The following TMCC3 variants were observed in gnomAD, a reference collection of about 807,000 sequenced individuals.
TMCC3 encodes the protein transmembrane and coiled-coil domain protein 3.
TMCC3 carries 28 observed loss-of-function variants against 40.2 expected under a neutral mutation model. That is an observed-to-expected ratio of 0.70 (90% CI 0.52 to 0.95). The LOEUF is 0.95. TMCC3 is among the 40% of genes least tolerant of loss of function. The pLI is 0.00. For missense variants in TMCC3, 554 were observed against 615.2 expected (o/e 0.90, Z 1.05); for synonymous variants, 255 against 248.5 (o/e 1.03, Z -0.25).
At chr12:94,648,774 A>G (rs2069035261) in intron 1 of TMCC3, among the ~76,000 whole-genome samples, 1 of 152,240 alleles carries the variant, frequency 6.6e-6, no homozygotes, top group African/African-American at 2.4e-5. Context: ...TGAGTTGACA[A>G]TGAGCCATCC....
chr12:94,593,690 A>G (rs1199519372), intron 1 of TMCC3, among the ~76,000 whole-genome samples: 1 of 152,094 alleles, frequency 6.6e-6, no homozygotes, highest in Non-Finnish European at 1.5e-5. Flanking sequence ...TGATACTGTA[A>G]TTAGAAATAA....
At chr12:94,644,895 T>C (rs923832187) in intron 1 of TMCC3, among the ~76,000 whole-genome samples, 1 of 152,230 alleles carries the variant, frequency 6.6e-6, no homozygotes, top group African/African-American at 2.4e-5. Context: ...CATGTAATTG[T>C]AGATGGATTT....
chr12:94,614,677 TCA>T (rs1223463303), intron 1 of TMCC3, among the ~76,000 whole-genome samples: 2 of 152,158 alleles, frequency 1.3e-5, no homozygotes, highest in Non-Finnish European at 2.9e-5. Flanking sequence ...ACTGTTGCAC[TCA>T]CAGTGTTACG....
intron 1 of TMCC3, among the ~76,000 whole-genome samples, chr12:94,607,569 G>A (rs1189450498): frequency 6.6e-6 from 1 of 152,076 alleles, no homozygotes; most frequent in Non-Finnish European, 1.5e-5. Context: ...CTCTCCATTC[G>A]GGGTCCCTGA....
At chr12:94,613,389 C>T (rs1010093267) in intron 1 of TMCC3, among the ~76,000 whole-genome samples, 4 of 152,012 alleles carry the variant, frequency 2.6e-5, no homozygotes, top group African/African-American at 9.7e-5. Context: ...AGAGGATGAG[C>T]CTGGGAGGTT....
At chr12:94,579,336 G>A (rs925422853) in intron 2 of TMCC3, among the ~76,000 whole-genome samples, 12 of 152,046 alleles carry the variant, frequency 7.9e-5, no homozygotes, top group Non-Finnish European at 1.6e-4. Flanking sequence ...GTGAAACCCC[G>A]TCTCTACTAA....
Position 94,573,820 on chromosome 12 carries a change from A to G in TMCC3, c.1132-2083T>C, listed in dbSNP as rs373918759. Among the ~76,000 whole-genome samples, 219 of 124,910 alleles carry G rather than the reference A, an allele frequency of 1.8e-3. 2 individuals are homozygous for G. The highest frequency in any genetic ancestry group is 6.0e-3 in the African/African-American group (209 of 34,872). The allele number at this position is 124,910 out of a possible 152,430, so 81.9% of individuals were successfully genotyped here. On this transcript the variant is annotated intron_variant, in intron 3 of 3. Transcript: ENST00000261226. ...TCTGCCTGAGACATGTGCCTCCCCC[A>G]CTCCATCCCTTCTTCACCCGTGGAT... is the stretch of plus-strand genomic sequence containing the variant.
intron 1 of TMCC3, among the ~76,000 whole-genome samples, chr12:94,589,172 G>A (rs988800349): frequency 6.6e-5 from 10 of 151,884 alleles, no homozygotes; most frequent in African/African-American, 2.4e-4. Flanking sequence ...GTTAGTGTTA[G>A]TGTATTTTAT....
intron 1 of TMCC3, among the ~76,000 whole-genome samples, chr12:94,611,595 C>T (rs1033644915): frequency 3.3e-5 from 5 of 152,092 alleles, no homozygotes; most frequent in Admixed American, 6.6e-5. Flanking sequence ...GGTTCTAGGA[C>T]CTCCTGCAGA....
intron 1 of TMCC3, among the ~76,000 whole-genome samples, chr12:94,589,649 C>T (rs947589173): frequency 3.3e-5 from 5 of 151,524 alleles, no homozygotes; most frequent in South Asian, 2.1e-4. Context: ...AGCCAGTAAC[C>T]GGCAGAGCCA....
At chr12:94,616,039 A>G (rs1168470838) in intron 1 of TMCC3, 52 of 985,112 alleles carry the variant, frequency 5.3e-5, no homozygotes, top group Non-Finnish European at 6.3e-5. Context: ...AGCACCTACC[A>G]TATGACTCAG....
At chr12:94,572,288 A>G (rs1242108508) in intron 3 of TMCC3, among the ~76,000 whole-genome samples, 2 of 140,236 alleles carry the variant, frequency 1.4e-5, no homozygotes, top group Non-Finnish European at 3.0e-5. Context: ...GTGAGCCACC[A>G]TGCCCAGCCG....
At chr12:94,600,884 C>A (rs905368222) in intron 1 of TMCC3, among the ~76,000 whole-genome samples, 4 of 152,150 alleles carry the variant, frequency 2.6e-5, no homozygotes, top group Admixed American at 2.0e-4. Flanking sequence ...TACCATACAA[C>A]ACTCAGCACA....
At position 94,581,774 on chromosome 12, in the gene TMCC3, C is replaced by T; in HGVS notation, c.843G>A (p.Leu281=). 1 of 1,614,204 alleles carries T rather than the reference C, an allele frequency of 6.2e-7. No homozygotes were observed. The highest frequency in any genetic ancestry group is 8.5e-7 in the Non-Finnish European group (1 of 1,180,038). The part of the protein sequence containing the change: ...QSFGAGGAST[L]DSQGKLAVIL... ...TCACGGCGAGCTTGCCCTGGCTGTCCAGTGTGCTGGCTCCACCAGCCCCAA... is the reference window on the plus strand; with the variant it reads ...TCACGGCGAGCTTGCCCTGGCTGTCTAGTGTGCTGGCTCCACCAGCCCCAA... Residue 281 remains leucine (L), a synonymous_variant, in exon 2 of 4, where the codon CTG becomes CTA. Coordinates refer to ENST00000261226, the MANE Select transcript of TMCC3 (RefSeq NM_020698.4).
Position 94,571,240 on chromosome 12 carries a change from T to C in TMCC3, c.*195A>G, listed in dbSNP as rs143527765. The C allele has an allele frequency of 1.6e-6, 1 of 627,334 alleles. No homozygotes were observed. The highest frequency in any genetic ancestry group is 1.8e-5 in the African/African-American group (1 of 54,416). 38.9% of individuals were successfully genotyped at this position (627,334 alleles called of 1,614,324 possible). A position where few individuals can be genotyped will look rare whatever the true frequency, so the allele number is the denominator to read the frequency against. On this transcript the variant is annotated 3_prime_UTR_variant, in exon 4 of 4. Transcript: ENST00000261226. Reference sequence around the variant, plus strand: ...CAAGGTAGGAGAGCTCTGAAACAGATTCGTGTTAACGAAGTACAAGGACTG... The same window carrying C: ...CAAGGTAGGAGAGCTCTGAAACAGACTCGTGTTAACGAAGTACAAGGACTG...
At position 94,582,310 on chromosome 12, in the gene TMCC3, C is replaced by T. The variant is rs1340277958; in HGVS notation, c.307G>A (p.Ala103Thr). The change falls in exon 2 of 4, where the codon GCA (alanine) becomes ACA (threonine). Residue 103 changes from alanine (A) to threonine (T), a missense_variant. Transcript: ENST00000261226. ...VAEYLKLVNN[A>T]DKQQAGRIKQ... is the part of the protein sequence containing the mutation. ...ATACGTCCCGCCTGCTGCTTGTCTG[C>T]GTTGTTCACTAGTTTCAGATACTCC... 2.5e-6 allele frequency: 4 copies of T among 1,613,924 alleles called. No individual in the cohort carries two copies. The highest frequency in any genetic ancestry group is 2.2e-5 in the South Asian group (2 of 91,066).
rs773663955 is a variant in TMCC3 at position 94,571,680 on chromosome 12, G to A, written c.1189C>T (p.Gln397Ter). The change falls in exon 4 of 4, where the codon CAG (glutamine) becomes TAG (stop). Residue 397 changes from glutamine (Q) to a stop codon, truncating the protein, a stop_gained. Coordinates refer to ENST00000261226, the MANE Select transcript of TMCC3 (RefSeq NM_020698.4). LOFTEE classifies it high-confidence loss of function. ...ISKLELHQQE[Q>*]QALQTDTVNA... is the part of the protein sequence containing the mutation. The stretch of plus-strand genomic sequence containing the variant: ...ACGGTGTCTGTCTGCAGAGCTTGCT[G>A]CTCTTGCTGGTGGAGCTCCAGCTTA... The A allele has an allele frequency of 1.2e-6, 2 of 1,614,192 alleles. No individual in the cohort carries two copies. Among genetic ancestry groups the A allele is most frequent in the Non-Finnish European group, 1.7e-6 (2 of 1,180,036 alleles).
At chr12:94,642,558 T>G (rs1394112081) in intron 1 of TMCC3, among the ~76,000 whole-genome samples, 1 of 152,244 alleles carries the variant, frequency 6.6e-6, no homozygotes, top group East Asian at 1.9e-4. Context: ...CCATTTAAAA[T>G]GTGGCTTCCT....
At chr12:94,610,181 C>G (rs1399549207) in intron 1 of TMCC3, 3 of 152,154 alleles carry the variant, frequency 2.0e-5, no homozygotes, top group African/African-American at 7.2e-5. Flanking sequence ...CATTAGAAAG[C>G]CTTGCTAATC....
Sources: allele counts gnomAD v4.1 joint callset (sites outside exome capture counted in the v4.1 genomes callset), GRCh38; gene constraint gnomAD v4.1.1; transcripts MANE v1.5; gene names NCBI Gene and HGNC (gene_info 2026-07-23, HGNC 2026-07-21).